Variants in LINGO2 observed in about 807,000 individuals in gnomAD.
The protein encoded by LINGO2 is leucine-rich repeat and immunoglobulin-like domain-containing nogo receptor-interacting protein 2.
In LINGO2, 14 loss-of-function variants were observed where a neutral mutation model predicts 30.6. That is an observed-to-expected ratio of 0.46 (90% confidence interval 0.30 to 0.72). The LOEUF (loss-of-function observed/expected upper bound fraction) is 0.72, where lower values mean the gene tolerates loss of function less well. Ranked by LOEUF, LINGO2 falls within the 30% of genes least tolerant of loss-of-function variation. The pLI is 0.07. For missense variants in LINGO2, 729 were observed against 751.7 expected, an observed-to-expected ratio of 0.97 and a Z score of 0.35; for synonymous variants, 317 against 288.5, an observed-to-expected ratio of 1.10 and a Z score of -1.00.
At chr9:28,227,575 A>G (rs942701996) in intron 4 of LINGO2, among the ~76,000 whole-genome samples, 1 of 151,862 alleles carries the variant, frequency 6.6e-6, no homozygotes, top group South Asian at 2.1e-4. Flanking sequence ...CTTTTTTCCT[A>G]TGTTAAACAC....
chr9:28,246,868 A>T (rs1822020482), intron 4 of LINGO2, among the ~76,000 whole-genome samples: 1 of 152,212 alleles, frequency 6.6e-6, no homozygotes, highest in African/African-American at 2.4e-5. Context: ...ACAAAGGTCT[A>T]ATATACAGAA....
chr9:28,570,196 CAT>C (rs1299864034), intron 1 of LINGO2, among the ~76,000 whole-genome samples: 3 of 151,866 alleles, frequency 2.0e-5, no homozygotes, highest in Non-Finnish European at 4.4e-5. Context: ...GATACAATGT[CAT>C]ATAATAATTG....
At chr9:28,991,241 G>A in the LINGO2 span, among the ~76,000 whole-genome samples, 3,389 of 151,620 alleles carry the variant, frequency 0.022, 108 homozygotes, top group African/African-American at 0.076. Context: ...GAGCCGACGC[G>A]ATCAACTGGA....
chr9:27,984,109 T>G (rs1361748340), intron 5 of LINGO2, among the ~76,000 whole-genome samples: 1 of 151,964 alleles, frequency 6.6e-6, no homozygotes, highest in South Asian at 2.1e-4. Context: ...AAAAACAAGA[T>G]TTTAAGATTA....
At chr9:29,113,513 A>G in the LINGO2 span, among the ~76,000 whole-genome samples, 7 of 152,176 alleles carry the variant, frequency 4.6e-5, no homozygotes, top group Admixed American at 4.6e-4. Context: ...ACTACTGAGG[A>G]TTCACAGAAC....
chr9:29,135,558 CA>C, the LINGO2 span, among the ~76,000 whole-genome samples: 6,063 of 108,124 alleles, frequency 0.056, 146 homozygotes, highest in Admixed American at 0.11. Flanking sequence ...ATTCCATCTC[CA>C]AAAAAAAAAA....
chr9:28,077,067 C>G (rs1825645307), intron 4 of LINGO2, among the ~76,000 whole-genome samples: 1 of 152,082 alleles, frequency 6.6e-6, no homozygotes, highest in Admixed American at 6.6e-5. Flanking sequence ...GACTGCACAG[C>G]TTACTGGTTT....
At chr9:28,140,213 C>T (rs544170210) in intron 4 of LINGO2, among the ~76,000 whole-genome samples, 11 of 152,180 alleles carry the variant, frequency 7.2e-5, no homozygotes, top group Non-Finnish European at 1.3e-4. Context: ...ACTCTGTAGA[C>T]AGTGAGGATT....
At chr9:28,745,540 G>A in the LINGO2 span, among the ~76,000 whole-genome samples, 10 of 152,150 alleles carry the variant, frequency 6.6e-5, no homozygotes, top group East Asian at 3.9e-4. Flanking sequence ...ATTCCCAGAC[G>A]TTGAATGAGT....
the LINGO2 span, among the ~76,000 whole-genome samples, chr9:29,192,804 G>A: frequency 6.6e-6 from 1 of 152,144 alleles, no homozygotes; most frequent in African/African-American, 2.4e-5. Flanking sequence ...AGCAGTCAGG[G>A]CATAGTCCCA....
intron 1 of LINGO2, among the ~76,000 whole-genome samples, chr9:28,653,972 TTG>T (rs1353925829): frequency 9.2e-5 from 14 of 152,272 alleles, no homozygotes; most frequent in Admixed American, 5.9e-4. Context: ...TATGCTTTTA[TTG>T]CTAAGTATAT....
chr9:27,958,378 T>G (rs912679075), intron 5 of LINGO2, among the ~76,000 whole-genome samples: 1 of 152,176 alleles, frequency 6.6e-6, no homozygotes, highest in South Asian at 2.1e-4. Flanking sequence ...GTTTTTCTAC[T>G]TCGTGAGAAT....
At chr9:29,166,127 G>C in the LINGO2 span, among the ~76,000 whole-genome samples, 3 of 152,034 alleles carry the variant, frequency 2.0e-5, no homozygotes, top group Admixed American at 6.6e-5. Context: ...CAAATTTTAA[G>C]GGTAACACGA....
At chr9:29,206,463 C>A in the LINGO2 span, among the ~76,000 whole-genome samples, 1 of 152,136 alleles carries the variant, frequency 6.6e-6, no homozygotes, top group Non-Finnish European at 1.5e-5. Flanking sequence ...CAAAGACTAT[C>A]TTACTATTGT....
chr9:28,057,696 G>A (rs971042746), intron 4 of LINGO2, among the ~76,000 whole-genome samples: 2 of 129,738 alleles, frequency 1.5e-5, no homozygotes, highest in Non-Finnish European at 3.5e-5. Context: ...AAGGTAACAT[G>A]GTAGAAGATC....
the LINGO2 span, among the ~76,000 whole-genome samples, chr9:28,991,623 G>C: frequency 1.4e-5 from 2 of 147,924 alleles, no homozygotes. Flanking sequence ...GAGAAAGGTC[G>C]GGTTACCCAC....
intron 5 of LINGO2, among the ~76,000 whole-genome samples, chr9:28,012,122 A>C (rs1822585653): frequency 1.3e-5 from 2 of 152,170 alleles, no homozygotes; most frequent in South Asian, 2.1e-4. Context: ...AAAGGAAACA[A>C]GTCTCCTCTT....
intron 2 of LINGO2, among the ~76,000 whole-genome samples, chr9:28,463,582 T>A (rs534753763): frequency 5.3e-5 from 8 of 152,006 alleles, no homozygotes; most frequent in Non-Finnish European, 8.8e-5. Flanking sequence ...TTGTAAAAGG[T>A]CATCTGAACT....
intron 4 of LINGO2, among the ~76,000 whole-genome samples, chr9:28,244,936 T>A (rs1195327556): frequency 6.6e-6 from 1 of 152,048 alleles, no homozygotes; most frequent in Non-Finnish European, 1.5e-5. Flanking sequence ...AAGTAAGGAC[T>A]CCTCCCTAAC....
Sources: allele counts gnomAD v4.1 joint callset (sites outside exome capture counted in the v4.1 genomes callset), GRCh38; gene constraint gnomAD v4.1.1; transcripts MANE v1.5; gene names NCBI Gene and HGNC (gene_info 2026-07-23, HGNC 2026-07-21).